PALS1: variants seen among roughly 807,000 people sequenced by gnomAD.
PALS1 encodes the protein protein associated with LIN7 1, MAGUK p55 family member.
Under a neutral mutation model 78.9 loss-of-function variants are expected in PALS1, and 31 were observed. That is an observed-to-expected ratio of 0.39 (90% CI 0.30 to 0.53). The LOEUF is 0.53. Ranked by LOEUF, PALS1 falls within the 20% of genes least tolerant of loss-of-function variation. The probability of loss-of-function intolerance (pLI) is 0.67; values close to 1 mark genes in which losing one functional copy is unlikely to be tolerated. For missense variants in PALS1, 704 were observed against 826.5 expected, an observed-to-expected ratio of 0.85 and a Z score of 1.82; for synonymous variants, 276 against 270.9, an observed-to-expected ratio of 1.02 and a Z score of -0.18.
chr14:67,325,134 T>C (rs1266578616), intron 14 of PALS1, among the ~76,000 whole-genome samples: 1 of 152,006 alleles, frequency 6.6e-6, no homozygotes, highest in East Asian at 1.9e-4. Flanking sequence ...CTTGATCTCC[T>C]GACCTTGTGA....
At chr14:67,257,072 C>T (rs1291216199) in intron 1 of PALS1, among the ~76,000 whole-genome samples, 1 of 151,892 alleles carries the variant, frequency 6.6e-6, no homozygotes, top group Non-Finnish European at 1.5e-5. Context: ...TGGTTTGATC[C>T]GGTAAGACGG....
chr14:67,321,156 T>C lies in PALS1; in HGVS notation c.1637T>C (p.Ile546Thr), dbSNP rs745537611. The C allele has an allele frequency of 4.3e-6, 7 of 1,614,202 alleles. No individual in the cohort carries two copies. Among genetic ancestry groups the C allele is most frequent in the Non-Finnish European group, 5.9e-6 (7 of 1,180,028 alleles). ...FEADIAAGKF[I>T]EHGEFEKNLY... The stretch of plus-strand genomic sequence containing the variant: ...GCAGACATAGCAGCTGGAAAGTTCA[T>C]TGAGCATGGTGAATTTGAGAAGAAT... The change falls in exon 13 of 15, where the codon ATT becomes ACT. Residue 546 changes from isoleucine (I) to threonine (T), a missense_variant. By Grantham distance (89) the Ile-to-Thr change is moderately conservative. Coordinates refer to ENST00000261681, the MANE Select transcript of PALS1 (RefSeq NM_022474.4).
intron 3 of PALS1, among the ~76,000 whole-genome samples, chr14:67,281,809 A>AT (rs2084612107): frequency 3.6e-5 from 5 of 140,336 alleles, no homozygotes; most frequent in African/African-American, 1.5e-4. Context: ...CATTTCTCTT[A>AT]ATTTTTTTTT....
At chr14:67,249,779 T>C (rs2084040162) in intron 1 of PALS1, among the ~76,000 whole-genome samples, 1 of 152,240 alleles carries the variant, frequency 6.6e-6, no homozygotes. Flanking sequence ...AGAATGTAAC[T>C]TAAAATACAT....
intron 1 of PALS1, among the ~76,000 whole-genome samples, chr14:67,256,246 C>T (rs936511618): frequency 6.6e-6 from 1 of 151,750 alleles, no homozygotes; most frequent in African/African-American, 2.4e-5. Flanking sequence ...ACTTTATAAA[C>T]ATCTTCTATG....
At chr14:67,287,052 C>G (rs1199694580) in intron 3 of PALS1, among the ~76,000 whole-genome samples, 1 of 151,738 alleles carries the variant, frequency 6.6e-6, no homozygotes, top group Non-Finnish European at 1.5e-5. Flanking sequence ...CTTGTCTCTA[C>G]AAAAAATACA....
chr14:67,249,471 C>T (rs1335900829), intron 1 of PALS1, among the ~76,000 whole-genome samples: 1 of 152,184 alleles, frequency 6.6e-6, no homozygotes, highest in African/African-American at 2.4e-5. Context: ...TGACACATAG[C>T]AGATACTTAA....
chr14:67,281,783 A>T (rs1366468430), intron 3 of PALS1, among the ~76,000 whole-genome samples: 3 of 151,728 alleles, frequency 2.0e-5, no homozygotes, highest in African/African-American at 7.3e-5. Flanking sequence ...TTGCCTAAGC[A>T]CACAAAATTG....
intron 10 of PALS1, 76 bp from the exon 11 acceptor site, chr14:67,317,332 T>C: frequency 7.9e-7 from 1 of 1,258,990 alleles, no homozygotes; most frequent in Non-Finnish European, 1.1e-6. Flanking sequence ...AATGAATAAA[T>C]AGAGTTCTTC....
chr14:67,328,137 A>G lies in PALS1; in HGVS notation c.1851+4325A>G, dbSNP rs569434710. Among the ~76,000 whole-genome samples the G allele has an allele frequency of 9.8e-5, 15 of 152,308 alleles. No homozygotes were observed. The East Asian group carries it at 2.7e-3, about 27-fold the overall frequency. On this transcript the variant is annotated intron_variant, in intron 14 of 14. Coordinates refer to ENST00000261681, the MANE Select transcript of PALS1 (RefSeq NM_022474.4). Reference sequence around the variant, plus strand: ...GTTCCTATTTCTCCACATCCTCTCCAGCACCTGTTGTTTCCGACTTTTTAA... The same window carrying G: ...GTTCCTATTTCTCCACATCCTCTCCGGCACCTGTTGTTTCCGACTTTTTAA...
At chr14:67,290,638 T>C (rs1352535796) in intron 3 of PALS1, among the ~76,000 whole-genome samples, 1 of 152,188 alleles carries the variant, frequency 6.6e-6, no homozygotes, top group African/African-American at 2.4e-5. Flanking sequence ...GCTCAAGCAA[T>C]CTGTTCACCT....
intron 4 of PALS1, among the ~76,000 whole-genome samples, chr14:67,293,424 T>C (rs962325588): frequency 3.3e-5 from 5 of 152,132 alleles, no homozygotes; most frequent in Admixed American, 1.3e-4. Context: ...ATGTATTTCA[T>C]TGAATGCCAA....
At chr14:67,278,644 A>G (rs999081696) in intron 2 of PALS1, among the ~76,000 whole-genome samples, 7 of 152,250 alleles carry the variant, frequency 4.6e-5, no homozygotes, top group African/African-American at 1.7e-4. Flanking sequence ...CATAAAGTAC[A>G]GTGTTGAGAC....
At position 67,336,007 on chromosome 14, in the gene PALS1, T is replaced by C. The variant is rs1274511308; in HGVS notation, c.*3051T>C. Among the ~76,000 whole-genome samples, 1 of 152,226 alleles carries C rather than the reference T, an allele frequency of 6.6e-6. No homozygotes were observed. The highest frequency in any genetic ancestry group is 2.4e-5 in the African/African-American group (1 of 41,456). ...TTGGCACAGGTATAGGTAGGTCCTG[T>C]TTCCTTAATTATTAAAACCAACAAC... On this transcript the variant is annotated 3_prime_UTR_variant, in exon 15 of 15. Coordinates refer to ENST00000261681, the MANE Select transcript of PALS1 (RefSeq NM_022474.4).
chr14:67,289,691 A>G (rs1216635570), intron 3 of PALS1, among the ~76,000 whole-genome samples: 1 of 152,076 alleles, frequency 6.6e-6, no homozygotes, highest in Non-Finnish European at 1.5e-5. Context: ...AAGATAAATA[A>G]GAGTCAGTGG....
rs773976923 is a variant in PALS1, at chr14:67,302,443, A to T, written c.835A>T (p.Ile279Phe). 3.8e-6 allele frequency: 6 copies of T among 1,598,370 alleles called. No individual in the cohort carries two copies. Among genetic ancestry groups the T allele is most frequent in the Non-Finnish European group, 4.3e-6 (5 of 1,172,008 alleles). ...ATVRNEMDSV[I>F]ISRIVKGGAA... ...AGTTCGTAATGAAATGGACTCTGTC[A>T]TCATTAGCCGGATAGTAAAAGGGGG... The change falls in exon 7 of 15, where the codon ATC becomes TTC. Residue 279 changes from isoleucine (I) to phenylalanine (F), a missense_variant. Coordinates refer to ENST00000261681, the MANE Select transcript of PALS1 (RefSeq NM_022474.4).
intron 3 of PALS1, among the ~76,000 whole-genome samples, chr14:67,289,405 A>T (rs1470150002): frequency 6.6e-6 from 1 of 152,124 alleles, no homozygotes; most frequent in Non-Finnish European, 1.5e-5. Context: ...TAACTGGAGG[A>T]TGTGTATACC....
rs1194294052 is a variant in PALS1, at chr14:67,323,722, T to C, written c.1761T>C (p.Asn587=). Residue 587 remains asparagine (N), a synonymous_variant, in exon 14 of 15, where the codon AAT becomes AAC. Coordinates refer to ENST00000261681, the MANE Select transcript of PALS1 (RefSeq NM_022474.4). Reference sequence around the variant, plus strand: ...TACAGTCATTGAAGACTCTCCGGAATTCAGATTTGAAACCATATATTATCT... The same window carrying C: ...TACAGTCATTGAAGACTCTCCGGAACTCAGATTTGAAACCATATATTATCT... ...LRTQSLKTLR[N]SDLKPYIIFI... 1 of 1,586,188 alleles carries C rather than the reference T, an allele frequency of 6.3e-7. No individual in the cohort carries two copies.
Position 67,321,163 on chromosome 14 carries a change from T to C in PALS1, c.1644T>C (p.His548=), listed in dbSNP as rs926622104. Residue 548 remains histidine (H), a synonymous_variant, in exon 13 of 15, where the codon CAT becomes CAC. Transcript: ENST00000261681. ...TAGCAGCTGGAAAGTTCATTGAGCA[T>C]GGTGAATTTGAGAAGAATTTGTATG... ...ADIAAGKFIE[H]GEFEKNLYGT... is the part of the protein sequence containing the mutation. 2 of 1,614,074 alleles carry C rather than the reference T, an allele frequency of 1.2e-6. No homozygotes were observed. The highest frequency in any genetic ancestry group is 2.7e-5 in the African/African-American group (2 of 74,936).
Sources: gnomAD v4.1 joint callset for allele counts (sites outside exome capture counted in the v4.1 genomes callset) on GRCh38, gnomAD v4.1.1 for gene constraint, MANE v1.5 for transcripts, NCBI Gene and HGNC (gene_info 2026-07-23, HGNC 2026-07-21) for gene names.